Variants in MBOAT2 observed in about 807,000 individuals in gnomAD.
MBOAT2 encodes membrane bound glycerophospholipid O-acyltransferase 2, also known as membrane-bound glycerophospholipid O-acyltransferase 2.
A neutral mutation model predicts 63.4 loss-of-function variants in MBOAT2; 28 were observed. That is an observed-to-expected ratio of 0.44 (90% CI 0.33 to 0.61). The LOEUF is 0.61. MBOAT2 is among the 20% of genes least tolerant of loss of function. The pLI is 0.03. For missense variants in MBOAT2, 470 were observed against 605.8 expected, an observed-to-expected ratio of 0.78 and a Z score of 2.35; for synonymous variants, 211 against 215.6, an observed-to-expected ratio of 0.98 and a Z score of 0.19.
intron 3 of MBOAT2, among the ~76,000 whole-genome samples, chr2:8,936,804 A>C (rs1001535834): frequency 2.7e-5 from 4 of 150,472 alleles, no homozygotes; most frequent in African/African-American, 7.3e-5. Context: ...AAAAAAAAAA[A>C]AGAAAAGAAA....
rs1209852919 is a variant in MBOAT2, at chr2:8,864,062, A to G, written c.1052+108T>C. The stretch of plus-strand genomic sequence containing the variant: ...GTTTCCCGGCTGACACTGAGGTCAC[A>G]ATGTCACTCAACACCGTTAATTTAA... On this transcript the variant is annotated intron_variant, in intron 10 of 12. Transcript: ENST00000305997. The G allele has an allele frequency of 4.2e-6, 3 of 719,930 alleles. No individual in the cohort carries two copies. In the East Asian group the frequency reaches 8.7e-5, roughly 21 times the overall value. 44.6% of individuals were successfully genotyped at this position (719,930 alleles called of 1,614,324 possible).
At position 8,862,595 on chromosome 2, in the gene MBOAT2, T is replaced by G. The variant is rs758933528; in HGVS notation, c.1180A>C (p.Arg394=). 1 of 1,607,130 alleles carries G rather than the reference T, an allele frequency of 6.2e-7. No individual in the cohort carries two copies. Among genetic ancestry groups the G allele is most frequent in the South Asian group, 1.1e-5 (1 of 89,386 alleles). The change falls in exon 11 of 13, where the codon AGA becomes CGA. Residue 394 remains arginine, a synonymous_variant. Coordinates refer to ENST00000305997, the MANE Select transcript of MBOAT2 (RefSeq NM_138799.4). This position sits in a 1 kb window ranked among gnomAD's most constrained non-coding sequence, Gnocchi z 4.3. ...LTGVLMTLAA[R]AMRNNFRHYF... is the part of the protein sequence containing the mutation. ...ATAAAATTCTTGATACTTACAGCTC[T>G]TGCTGCTAATGTCATTAACACCCCT...
At chr2:8,872,662 T>C (rs992365610) in intron 8 of MBOAT2, among the ~76,000 whole-genome samples, 2 of 152,240 alleles carry the variant, frequency 1.3e-5, no homozygotes, top group Non-Finnish European at 2.9e-5. Context: ...GATGACCCCC[T>C]ATCAATGTGC....
At chr2:8,919,163 A>G (rs1666396101) in intron 3 of MBOAT2, among the ~76,000 whole-genome samples, 1 of 152,196 alleles carries the variant, frequency 6.6e-6, no homozygotes, top group African/African-American at 2.4e-5. Context: ...CAGCCGGTGA[A>G]TATTTGGGCT....
At chr2:8,924,684 C>A (rs1666818291) in intron 3 of MBOAT2, among the ~76,000 whole-genome samples, 1 of 151,540 alleles carries the variant, frequency 6.6e-6, no homozygotes, top group Non-Finnish European at 1.5e-5. Flanking sequence ...AACCAAACCC[C>A]CACCCAGCTA....
intron 3 of MBOAT2, among the ~76,000 whole-genome samples, chr2:8,923,231 T>C (rs1288463070): frequency 6.6e-6 from 1 of 152,216 alleles, no homozygotes; most frequent in Non-Finnish European, 1.5e-5. Flanking sequence ...CTTGCTTTTC[T>C]CTAAATTGCT....
At chr2:8,866,921 T>C (rs182030981) in intron 9 of MBOAT2, among the ~76,000 whole-genome samples, 186 of 152,346 alleles carry the variant, frequency 1.2e-3, no homozygotes, top group African/African-American at 3.9e-3. Flanking sequence ...CTCGGGCACT[T>C]ACTGCCTGAC....
chr2:8,921,747 A>G (rs907119746), intron 3 of MBOAT2, among the ~76,000 whole-genome samples: 3 of 152,094 alleles, frequency 2.0e-5, no homozygotes, highest in Non-Finnish European at 4.4e-5. Flanking sequence ...CACTGTTCTG[A>G]TAAGAATTTT....
At chr2:8,870,486 T>C (rs938651852) in intron 8 of MBOAT2, among the ~76,000 whole-genome samples, 11 of 152,214 alleles carry the variant, frequency 7.2e-5, no homozygotes, top group East Asian at 5.8e-4. Context: ...ATTTTGGAAC[T>C]CTTGGACTTC....
chr2:8,894,139 C>A (rs558383302), intron 4 of MBOAT2, among the ~76,000 whole-genome samples: 1 of 152,234 alleles, frequency 6.6e-6, no homozygotes, highest in African/African-American at 2.4e-5. Flanking sequence ...CGTGATATTC[C>A]CCTCCCTGTG....
chr2:8,972,839 G>C (rs1670545474), intron 1 of MBOAT2, among the ~76,000 whole-genome samples: 3 of 151,982 alleles, frequency 2.0e-5, no homozygotes, highest in Admixed American at 6.6e-5. Flanking sequence ...ACACCAGTTA[G>C]AATGGCAATC....
chr2:8,981,955 GAAGA>G (rs1671225068), intron 1 of MBOAT2, among the ~76,000 whole-genome samples: 1 of 152,134 alleles, frequency 6.6e-6, no homozygotes, highest in South Asian at 2.1e-4. Context: ...AATGGTTAAT[GAAGA>G]CAGACAGACT....
chr2:8,860,170 G>A (rs1237724888), intron 12 of MBOAT2, among the ~76,000 whole-genome samples: 2 of 151,920 alleles, frequency 1.3e-5, no homozygotes, highest in South Asian at 2.1e-4. Context: ...CAGCCTGGGC[G>A]ACAGAGCAAG....
intron 2 of MBOAT2, among the ~76,000 whole-genome samples, chr2:8,944,568 A>G (rs1668272125): frequency 6.6e-6 from 1 of 152,062 alleles, no homozygotes; most frequent in Non-Finnish European, 1.5e-5. Context: ...ATTATAAACC[A>G]GTAATAGTCT....
intron 2 of MBOAT2, among the ~76,000 whole-genome samples, chr2:8,950,948 A>G (rs1414514963): frequency 6.6e-6 from 1 of 152,038 alleles, no homozygotes; most frequent in Non-Finnish European, 1.5e-5. Flanking sequence ...ATTGATTTGT[A>G]TATGTTGAAC....
At chr2:8,939,098 G>A (rs1329416405) in intron 3 of MBOAT2, among the ~76,000 whole-genome samples, 1 of 152,202 alleles carries the variant, frequency 6.6e-6, no homozygotes, top group Non-Finnish European at 1.5e-5. Context: ...ACGAATGAAT[G>A]AACCAATACC....
chr2:8,918,473 C>T (rs1666340821), intron 3 of MBOAT2, among the ~76,000 whole-genome samples: 1 of 152,118 alleles, frequency 6.6e-6, no homozygotes, highest in Admixed American at 6.5e-5. Flanking sequence ...AACACAGAGA[C>T]ACTAAGTGAA....
At chr2:8,904,693 T>C (rs1305559651) in intron 4 of MBOAT2, among the ~76,000 whole-genome samples, 1 of 152,226 alleles carries the variant, frequency 6.6e-6, no homozygotes, top group Non-Finnish European at 1.5e-5. Context: ...AATTTATAGT[T>C]TTCTGCACAG....
chr2:8,955,696 T>C (rs1195737399), intron 2 of MBOAT2, among the ~76,000 whole-genome samples: 1 of 152,232 alleles, frequency 6.6e-6, no homozygotes, highest in Admixed American at 6.5e-5. Context: ...GACTCCAATT[T>C]TGAAAGTTCT....
Sources: gnomAD v4.1 joint callset for allele counts (sites outside exome capture counted in the v4.1 genomes callset) on GRCh38, gnomAD v4.1.1 for gene constraint, Gnocchi (gnomAD v3.1) non-coding constraint, MANE v1.5 for transcripts, NCBI Gene and HGNC (gene_info 2026-07-23, HGNC 2026-07-21) for gene names.